Variants in GPHN observed in about 807,000 individuals in gnomAD.
GPHN encodes the protein gephyrin.
Under a neutral mutation model 95.5 loss-of-function variants are expected in GPHN, and 17 were observed. The observed-to-expected ratio is 0.18, with a 90% CI of 0.12 to 0.27. GPHN has a LOEUF of 0.27. Ranked by LOEUF, GPHN falls within the 10% of genes least tolerant of loss-of-function variation. The pLI is 1.00. For missense variants in GPHN, 660 were observed against 978.1 expected, an observed-to-expected ratio of 0.67 and a Z score of 4.34; for synonymous variants, 320 against 322.5, an observed-to-expected ratio of 0.99 and a Z score of 0.08.
At chr14:67,338,910 T>C in the GPHN span, 1 of 659,472 alleles carries the variant, frequency 1.5e-6, no homozygotes, top group Non-Finnish European at 2.3e-6. Context: ...GTAATTTATT[T>C]ATAATCCTTT....
At chr14:66,607,986 T>C (rs1011829826) in intron 1 of GPHN, among the ~76,000 whole-genome samples, 2 of 151,652 alleles carry the variant, frequency 1.3e-5, no homozygotes, top group Non-Finnish European at 2.9e-5. Flanking sequence ...TTTTTGTGTC[T>C]TAATTTAATT....
chr14:67,587,441 G>T, the GPHN span: 2 of 609,774 alleles, frequency 3.3e-6, no homozygotes, highest in Non-Finnish European at 5.8e-6. Flanking sequence ...CAGACCCAGT[G>T]TTAAAACCAT....
the GPHN span, among the ~76,000 whole-genome samples, chr14:67,726,790 T>C: frequency 6.6e-6 from 1 of 152,204 alleles, no homozygotes; most frequent in South Asian, 2.1e-4. Flanking sequence ...GCCTTACTTG[T>C]AGTCTAGCTC....
At chr14:66,975,195 G>A (rs535209484) in intron 9 of GPHN, among the ~76,000 whole-genome samples, 5 of 152,144 alleles carry the variant, frequency 3.3e-5, no homozygotes, top group South Asian at 2.1e-4. Flanking sequence ...TCACCAACCC[G>A]TATTTTGGAT....
chr14:67,096,427 C>T (rs2077396509), intron 12 of GPHN, among the ~76,000 whole-genome samples: 1 of 152,030 alleles, frequency 6.6e-6, no homozygotes, highest in Non-Finnish European at 1.5e-5. Flanking sequence ...TTGATATGAG[C>T]ATTTTGAGTT....
At chr14:67,393,312 C>G in the GPHN span, 1 of 1,014,356 alleles carries the variant, frequency 9.9e-7, no homozygotes, top group Non-Finnish European at 1.6e-6. Flanking sequence ...GGTCCTGAGT[C>G]ACTGCTAAGG....
chr14:67,333,530 C>A, the GPHN span: 2 of 152,660 alleles, frequency 1.3e-5, no homozygotes, highest in Non-Finnish European at 2.9e-5. Flanking sequence ...GGCTTGAATT[C>A]ATTTATATGT....
the GPHN span, chr14:67,588,349 G>A: frequency 6.6e-6 from 1 of 152,618 alleles, no homozygotes; most frequent in African/African-American, 2.4e-5. Context: ...CACCAAAAAT[G>A]AGTCAGAAAC....
chr14:67,380,548 C>A, the GPHN span: 1 of 472,094 alleles, frequency 2.1e-6, no homozygotes, highest in Non-Finnish European at 3.7e-6. Flanking sequence ...CTATTATATG[C>A]ATTAACTATT....
the GPHN span, among the ~76,000 whole-genome samples, chr14:67,435,728 C>T: frequency 6.6e-6 from 1 of 152,216 alleles, no homozygotes; most frequent in Non-Finnish European, 1.5e-5. Context: ...TCTTGCACTC[C>T]CAGTCCCTGG....
At chr14:66,637,378 C>A (rs2064157631) in intron 1 of GPHN, among the ~76,000 whole-genome samples, 1 of 151,994 alleles carries the variant, frequency 6.6e-6, no homozygotes, top group South Asian at 2.1e-4. Context: ...TTAATAGATT[C>A]AGGGAATGAA....
intron 3 of GPHN, among the ~76,000 whole-genome samples, chr14:66,780,378 T>C (rs540836224): frequency 3.4e-4 from 52 of 152,128 alleles, no homozygotes; most frequent in Non-Finnish European, 5.4e-4. Context: ...AAAAGTTATA[T>C]GAGGTATTAA....
the GPHN span, among the ~76,000 whole-genome samples, chr14:67,233,126 AT>A: frequency 2.0e-5 from 3 of 150,314 alleles, no homozygotes; most frequent in African/African-American, 7.4e-5. Context: ...ATTTTATTTT[AT>A]TTTATTTTAT....
the GPHN span, chr14:67,345,921 C>T: frequency 1.3e-4 from 157 of 1,169,282 alleles, no homozygotes; most frequent in Non-Finnish European, 1.8e-4. Context: ...AATATCTTCC[C>T]TATAAAATTC....
the GPHN span, among the ~76,000 whole-genome samples, chr14:67,718,595 T>G: frequency 1.9e-4 from 29 of 152,338 alleles, no homozygotes; most frequent in African/African-American, 6.7e-4. Flanking sequence ...AAGAGGATCC[T>G]TCTCAAAGGT....
intron 2 of GPHN, among the ~76,000 whole-genome samples, chr14:66,688,375 GTC>G (rs1417685358): frequency 7.2e-5 from 11 of 152,106 alleles, no homozygotes; most frequent in Non-Finnish European, 1.3e-4. Flanking sequence ...ATGGAAAAAA[GTC>G]TGCATGCATG....
chr14:67,657,784 T>A, the GPHN span, among the ~76,000 whole-genome samples: 1 of 150,778 alleles, frequency 6.6e-6, no homozygotes, highest in Non-Finnish European at 1.5e-5. Context: ...AGTCTCGCTC[T>A]GTCGCCCGGG....
intron 9 of GPHN, among the ~76,000 whole-genome samples, chr14:66,999,036 G>A (rs766206715): frequency 1.3e-4 from 20 of 151,802 alleles, no homozygotes; most frequent in Non-Finnish European, 7.4e-5. Flanking sequence ...TAAAGATGAG[G>A]AAATTGAGAC....
At chr14:66,904,285 T>G (rs575621128) in intron 5 of GPHN, among the ~76,000 whole-genome samples, 1 of 152,244 alleles carries the variant, frequency 6.6e-6, no homozygotes, top group East Asian at 1.9e-4. Flanking sequence ...CCCTGCTGAC[T>G]AGGGTTGGCC....
Sources: allele counts gnomAD v4.1 joint callset (sites outside exome capture counted in the v4.1 genomes callset), GRCh38; gene constraint gnomAD v4.1.1; transcripts MANE v1.5; gene names NCBI Gene and HGNC (gene_info 2026-07-23, HGNC 2026-07-21).